DNAH7: variants seen among roughly 807,000 people sequenced by gnomAD.
DNAH7 encodes axonemal beta dynein heavy chain 7.
In DNAH7, 397 loss-of-function variants were observed where a neutral mutation model predicts 444.6. The observed-to-expected ratio is 0.89, with a 90% CI of 0.82 to 0.97. The LOEUF (loss-of-function observed/expected upper bound fraction) is 0.97, where lower values mean the gene tolerates loss of function less well. DNAH7 is among the 50% of genes least tolerant of loss of function. The pLI is 0.00. For missense variants in DNAH7, 4,902 were observed against 4,800.8 expected (o/e 1.02, Z -0.62); for synonymous variants, 1,636 against 1,624.4 (o/e 1.01, Z -0.17).
chr2:195,908,306 ACTATGCAATTTG>A (rs1348742335), intron 25 of DNAH7, among the ~76,000 whole-genome samples: 1 of 152,000 alleles, frequency 6.6e-6, no homozygotes, highest in East Asian at 1.9e-4. Context: ...TGACTGAGTC[ACTATGCAATTTG>A]GTATCCCTTA....
rs763450344 is a variant in DNAH7 at position 196,047,507 on chromosome 2, T to C, written c.251-8A>G. ...AACGTTCCATGTATTCAGCTTAAAT[T>C]AAAACAAAAAAAAAAGCACAATTAT... is the stretch of plus-strand genomic sequence containing the variant. On this transcript the variant is annotated splice_region_variant and splice_polypyrimidine_tract_variant and intron_variant, in intron 4 of 64. Coordinates refer to ENST00000312428, the MANE Select transcript of DNAH7 (RefSeq NM_018897.3). The C allele has an allele frequency of 1.3e-6, 2 of 1,525,190 alleles. No homozygotes were observed. The highest frequency in any genetic ancestry group is 1.4e-5 in the South Asian group (1 of 73,742). 94.5% of individuals were successfully genotyped at this position (1,525,190 alleles called of 1,614,324 possible). A position where few individuals can be genotyped will look rare whatever the true frequency, so the allele number is the denominator to read the frequency against.
intron 14 of DNAH7, 58 bp downstream of exon 14, chr2:195,987,005 ACAG>A (rs1692953944): frequency 7.1e-7 from 1 of 1,406,844 alleles, no homozygotes; most frequent in African/African-American, 1.4e-5. Context: ...TAGTTGAGTG[ACAG>A]CTGATTCTAT....
chr2:195,749,786 G>A (rs1381375575), intron 63 of DNAH7, among the ~76,000 whole-genome samples: 7 of 145,538 alleles, frequency 4.8e-5, no homozygotes, highest in African/African-American at 1.8e-4. Context: ...GAACAATGAG[G>A]ACACATGGAC....
intron 24 of DNAH7, among the ~76,000 whole-genome samples, chr2:195,912,543 T>C (rs1311264388): frequency 2.0e-5 from 3 of 152,058 alleles, no homozygotes; most frequent in Admixed American, 2.0e-4. Flanking sequence ...GGTCTGTGTG[T>C]GGTGAGCCTC....
intron 48 of DNAH7, among the ~76,000 whole-genome samples, chr2:195,831,182 G>C (rs1698050582): frequency 1.3e-5 from 2 of 152,170 alleles, no homozygotes; most frequent in Admixed American, 1.3e-4. Context: ...ATATTTGTAT[G>C]ATTAGTATTT....
chr2:195,823,228 T>C (rs192318349), intron 49 of DNAH7, among the ~76,000 whole-genome samples: 27 of 152,304 alleles, frequency 1.8e-4, no homozygotes, highest in Admixed American at 3.9e-4. Flanking sequence ...TAACATTCTG[T>C]TTTTAAAATT....
intron 19 of DNAH7, among the ~76,000 whole-genome samples, chr2:195,952,125 G>C (rs889282239): frequency 3.3e-5 from 5 of 152,088 alleles, no homozygotes; most frequent in Admixed American, 1.3e-4. Flanking sequence ...AGGCAGGCCT[G>C]GTGTTGACAA....
At chr2:195,756,029 T>C (rs1694052679) in intron 62 of DNAH7, 104 bp downstream of exon 62, 2 of 1,181,494 alleles carry the variant, frequency 1.7e-6, no homozygotes, top group Admixed American at 5.2e-5. Flanking sequence ...GTGCCTGGGA[T>C]GCACAGAAAA....
intron 5 of DNAH7, among the ~76,000 whole-genome samples, chr2:196,044,671 T>G (rs1052636482): frequency 4.6e-5 from 7 of 152,184 alleles, no homozygotes; most frequent in African/African-American, 1.7e-4. Context: ...CTGCTATTAT[T>G]CTTTAATTCT....
rs889052150 is a variant in DNAH7, at chr2:195,888,420, G to A, written c.5244C>T (p.Gly1748=). Residue 1748 remains glycine, a synonymous_variant, in exon 33 of 65, where the codon GGC becomes GGT. Coordinates refer to ENST00000312428, the MANE Select transcript of DNAH7 (RefSeq NM_018897.3). ...ACATGTGAGGCTCCATGTAAATCAT[G>A]CCACATCTGGAAACCTGGAAAGCCA... ...VASPATVSRC[G]MIYMEPHMLG... 1 of 1,588,492 alleles carries A rather than the reference G, an allele frequency of 6.3e-7. No individual in the cohort carries two copies. The highest frequency in any genetic ancestry group is 1.2e-5 in the South Asian group (1 of 85,456).
intron 36 of DNAH7, among the ~76,000 whole-genome samples, chr2:195,877,110 A>T (rs555664544): frequency 3.0e-4 from 45 of 152,332 alleles, no homozygotes; most frequent in African/African-American, 1.1e-3. Context: ...AAGCTTAAAA[A>T]TATAACTGTA....
rs544753360 is a variant in DNAH7, at chr2:195,948,293, T to C, written c.3078+8968A>G. Among the ~76,000 whole-genome samples, 332 of 152,348 alleles carry C rather than the reference T, an allele frequency of 2.2e-3. 3 individuals carry two copies. Among genetic ancestry groups the C allele is most frequent in the Non-Finnish European group, 3.3e-3 (224 of 68,034 alleles). On this transcript the variant is annotated intron_variant, in intron 19 of 64. Coordinates refer to ENST00000312428, the MANE Select transcript of DNAH7 (RefSeq NM_018897.3). Reference sequence around the variant, plus strand: ...TTTGCTGTGCAGAAGCTCTTTAGTTTAATTATATCCCATTTGTCAATTTTG... The same window carrying C: ...TTTGCTGTGCAGAAGCTCTTTAGTTCAATTATATCCCATTTGTCAATTTTG...
At chr2:195,847,815 C>G (rs1316696429) in intron 46 of DNAH7, among the ~76,000 whole-genome samples, 1 of 152,106 alleles carries the variant, frequency 6.6e-6, no homozygotes, top group Non-Finnish European at 1.5e-5. Context: ...ACTTCTGACT[C>G]ACATGCCCTG....
chr2:195,901,710 T>G (rs1024083490), intron 27 of DNAH7: 2 of 152,160 alleles, frequency 1.3e-5, no homozygotes, highest in Non-Finnish European at 2.9e-5. Flanking sequence ...TTATCCATTT[T>G]GAGATATTTT....
intron 46 of DNAH7, among the ~76,000 whole-genome samples, chr2:195,848,146 C>T (rs756210239): frequency 2.0e-5 from 3 of 152,154 alleles, no homozygotes; most frequent in South Asian, 2.1e-4. Flanking sequence ...TGAGAGGCCA[C>T]GCTGGGCACT....
rs961394919 is a variant in DNAH7 at position 195,864,652 on chromosome 2, T to G, written c.7003A>C (p.Ser2335Arg). ...RISRILKQPR[S>R]HALLVGVGGS... ...CCAACCCCTACTAGGAGAGCATGGC[T>G]GCGAGGCTGCTTCAGGATCCTGGAA... is the stretch of plus-strand genomic sequence containing the variant. Residue 2335 changes from serine (S) to arginine (R), a missense_variant, in exon 41 of 65, where the codon AGC becomes CGC. Transcript: ENST00000312428. 4 of 1,614,068 alleles carry G rather than the reference T, an allele frequency of 2.5e-6. No individual in the cohort carries two copies. In the African/African-American group the frequency reaches 5.3e-5, roughly 22 times the overall value.
intron 8 of DNAH7, among the ~76,000 whole-genome samples, chr2:196,024,077 G>A (rs1695536368): frequency 6.6e-6 from 1 of 152,128 alleles, no homozygotes; most frequent in Admixed American, 6.5e-5. Flanking sequence ...CATAACAGAT[G>A]TAATAATAAC....
intron 48 of DNAH7, among the ~76,000 whole-genome samples, chr2:195,825,747 T>G (rs1697713755): frequency 6.6e-6 from 1 of 152,196 alleles, no homozygotes; most frequent in Admixed American, 6.5e-5. Flanking sequence ...TGGCATTTTG[T>G]AGAAGTCCCT....
At chr2:195,820,212 G>A (rs181997030) in intron 49 of DNAH7, among the ~76,000 whole-genome samples, 48 of 152,004 alleles carry the variant, frequency 3.2e-4, no homozygotes, top group Admixed American at 1.6e-3. Context: ...ACCAAACACC[G>A]CATGTTCTCA....
Sources: allele counts gnomAD v4.1 joint callset (sites outside exome capture counted in the v4.1 genomes callset), GRCh38; gene constraint gnomAD v4.1.1; transcripts MANE v1.5; gene names NCBI Gene and HGNC (gene_info 2026-07-23, HGNC 2026-07-21).